The following GPC5 variants were observed in gnomAD, a reference collection of about 807,000 sequenced individuals.
GPC5 encodes the protein glypican-5.
A neutral mutation model predicts 53.9 loss-of-function variants in GPC5; 47 were observed. The ratio of observed to expected loss-of-function variants is 0.87; its 90% CI spans 0.69 to 1.11. The LOEUF is 1.11. Ranked by LOEUF, GPC5 falls within the 50% of genes most tolerant of loss-of-function variation. The pLI, the probability that GPC5 is intolerant of heterozygous loss-of-function variation, is 0.00. For synonymous variants in GPC5, 286 were observed against 263.3 expected, an observed-to-expected ratio of 1.09 and a Z score of -0.84; for missense variants, 748 against 713.1, an observed-to-expected ratio of 1.05 and a Z score of -0.56.
intron 6 of GPC5, among the ~76,000 whole-genome samples, chr13:92,073,476 T>C (rs111620979): frequency 0.023 from 3,552 of 152,318 alleles, 132 homozygotes; most frequent in African/African-American, 0.082. Context: ...GGGCCTTCTG[T>C]GTCTTTAATA....
chr13:91,998,703 A>G (rs924666094), intron 6 of GPC5, among the ~76,000 whole-genome samples: 1 of 152,228 alleles, frequency 6.6e-6, no homozygotes, highest in Non-Finnish European at 1.5e-5. Context: ...TCCTAGTTCA[A>G]GAATATGTTA....
chr13:91,623,462 G>C (rs1159581207), intron 2 of GPC5, among the ~76,000 whole-genome samples: 1 of 151,994 alleles, frequency 6.6e-6, no homozygotes, highest in Non-Finnish European at 1.5e-5. Flanking sequence ...CTGCGTCTAG[G>C]GGGCATCACT....
chr13:92,330,206 G>C, intron 7 of GPC5, among the ~76,000 whole-genome samples: 1 of 152,110 alleles, frequency 6.6e-6, no homozygotes, highest in East Asian at 1.9e-4. Context: ...GGAAATTGTA[G>C]GACTGCTCCA....
intron 5 of GPC5, among the ~76,000 whole-genome samples, chr13:91,887,284 A>G (rs562568237): frequency 6.6e-6 from 1 of 152,268 alleles, no homozygotes; most frequent in Admixed American, 6.5e-5. Context: ...AGCGGCTGCA[A>G]TGCAGGGCAC....
chr13:92,050,401 G>A (rs1395447478), intron 6 of GPC5, among the ~76,000 whole-genome samples: 1 of 152,080 alleles, frequency 6.6e-6, no homozygotes, highest in Non-Finnish European at 1.5e-5. Context: ...CTTTCACTGA[G>A]TGGTTATATG....
chr13:92,400,218 G>A (rs1169810966), intron 7 of GPC5, among the ~76,000 whole-genome samples: 1 of 152,156 alleles, frequency 6.6e-6, no homozygotes, highest in Non-Finnish European at 1.5e-5. Context: ...AATTAATAGT[G>A]TATGACCAAG....
At chr13:91,405,593 C>T (rs751881558) in intron 1 of GPC5, among the ~76,000 whole-genome samples, 14 of 152,076 alleles carry the variant, frequency 9.2e-5, no homozygotes, top group Non-Finnish European at 1.0e-4. Context: ...CTTTTCACGG[C>T]GCCACGTTCC....
chr13:92,517,803 G>C, intron 7 of GPC5, among the ~76,000 whole-genome samples: 1 of 152,172 alleles, frequency 6.6e-6, no homozygotes, highest in East Asian at 1.9e-4. Context: ...GCAGCTACTC[G>C]CCAGCAATGG....
chr13:92,387,399 A>G (rs1051898070), intron 7 of GPC5, among the ~76,000 whole-genome samples: 1 of 152,102 alleles, frequency 6.6e-6, no homozygotes, highest in Admixed American at 6.6e-5. Flanking sequence ...CTATCAGGAC[A>G]TAACCTCATC....
At chr13:92,422,531 C>CAA (rs879727847) in intron 7 of GPC5, among the ~76,000 whole-genome samples, 2 of 134,786 alleles carry the variant, frequency 1.5e-5, no homozygotes, top group Admixed American at 7.3e-5. Context: ...CACACACACA[C>CAA]AACTTCTTGG....
chr13:91,964,204 A>G (rs1359012922), intron 6 of GPC5, among the ~76,000 whole-genome samples: 1 of 152,210 alleles, frequency 6.6e-6, no homozygotes, highest in Non-Finnish European at 1.5e-5. Flanking sequence ...TACAGCTCAC[A>G]AAGGCAGTGC....
intron 7 of GPC5, among the ~76,000 whole-genome samples, chr13:92,380,002 C>T (rs1396715219): frequency 6.6e-6 from 1 of 152,194 alleles, no homozygotes; most frequent in Non-Finnish European, 1.5e-5. Flanking sequence ...GTCACTCATC[C>T]TTCCCATGTC....
chr13:92,844,320 TACA>T (rs1218239890), intron 7 of GPC5, among the ~76,000 whole-genome samples: 1 of 152,108 alleles, frequency 6.6e-6, no homozygotes, highest in Non-Finnish European at 1.5e-5. Flanking sequence ...GACCCTCATC[TACA>T]ACATGTTATT....
At chr13:92,749,789 G>A (rs187972387) in intron 7 of GPC5, among the ~76,000 whole-genome samples, 1 of 152,160 alleles carries the variant, frequency 6.6e-6, no homozygotes, top group Non-Finnish European at 1.5e-5. Flanking sequence ...CCGCTAATTT[G>A]TACAATTAAA....
At chr13:92,279,617 A>T (rs2042899842) in intron 7 of GPC5, among the ~76,000 whole-genome samples, 2 of 151,360 alleles carry the variant, frequency 1.3e-5, no homozygotes, top group African/African-American at 2.4e-5. Flanking sequence ...TTTTTTTATT[A>T]TTATTATTAT....
chr13:92,476,339 A>G (rs1202202742), intron 7 of GPC5, among the ~76,000 whole-genome samples: 2 of 151,850 alleles, frequency 1.3e-5, no homozygotes, highest in Non-Finnish European at 2.9e-5. Context: ...CAAAACCACA[A>G]TGAGATACCA....
chr13:92,797,702 A>T (rs1876734760), intron 7 of GPC5, among the ~76,000 whole-genome samples: 1 of 151,914 alleles, frequency 6.6e-6, no homozygotes, highest in South Asian at 2.1e-4. Context: ...TTGAATGTTC[A>T]TTCAATATTT....
At chr13:91,801,901 G>A (rs2038141924) in intron 5 of GPC5, among the ~76,000 whole-genome samples, 1 of 152,042 alleles carries the variant, frequency 6.6e-6, no homozygotes, top group African/African-American at 2.4e-5. Flanking sequence ...CTGTGGCTAG[G>A]CACTTCATCA....
At chr13:92,117,044 G>A (rs1455354021) in intron 6 of GPC5, among the ~76,000 whole-genome samples, 1 of 152,090 alleles carries the variant, frequency 6.6e-6, no homozygotes, top group Non-Finnish European at 1.5e-5. Context: ...TTTGGATGAA[G>A]CTCAATTTAT....
Sources: allele counts gnomAD v4.1 joint callset (sites outside exome capture counted in the v4.1 genomes callset), GRCh38; gene constraint gnomAD v4.1.1; transcripts MANE v1.5; gene names NCBI Gene and HGNC (gene_info 2026-07-23, HGNC 2026-07-21).